SMIM14: variants seen among roughly 807,000 people sequenced by gnomAD.
SMIM14 encodes chromosome 4 open reading frame 34.
A neutral mutation model predicts 12.6 loss-of-function variants in SMIM14; 5 were observed. The ratio of observed to expected loss-of-function variants is 0.40; its 90% CI spans 0.21 to 0.83. The LOEUF (loss-of-function observed/expected upper bound fraction) is 0.83. Ranked by LOEUF, SMIM14 falls within the 40% of genes least tolerant of loss-of-function variation. The pLI, the probability that SMIM14 is intolerant of heterozygous loss-of-function variation, is 0.37. For synonymous variants in SMIM14, 30 were observed against 40.1 expected, an observed-to-expected ratio of 0.75 and a Z score of 0.95; for missense variants, 86 against 119.1, an observed-to-expected ratio of 0.72 and a Z score of 1.29.
At chr4:39,596,153 T>C (rs1362890953) in intron 2 of SMIM14, among the ~76,000 whole-genome samples, 1 of 152,040 alleles carries the variant, frequency 6.6e-6, no homozygotes, top group Non-Finnish European at 1.5e-5. Flanking sequence ...TGGAGTGCAA[T>C]GGCGTGATCT....
chr4:39,573,350 G>A (rs1365739955), intron 2 of SMIM14, among the ~76,000 whole-genome samples: 2 of 151,750 alleles, frequency 1.3e-5, no homozygotes, highest in African/African-American at 4.8e-5. Flanking sequence ...CACTTGCCTC[G>A]GCCTCCCAAA....
intron 3 of SMIM14, among the ~76,000 whole-genome samples, chr4:39,570,596 A>G (rs1712832402): frequency 6.6e-6 from 1 of 152,218 alleles, no homozygotes; most frequent in African/African-American, 2.4e-5. Flanking sequence ...TCAGCAACCT[A>G]AGGTTCTAGT....
intron 1 of SMIM14, among the ~76,000 whole-genome samples, chr4:39,624,382 G>A (rs1339063892): frequency 1.3e-5 from 2 of 152,128 alleles, no homozygotes; most frequent in Non-Finnish European, 2.9e-5. Flanking sequence ...GTATATGACA[G>A]ATCTTATACA....
In SMIM14 at chr4:39,631,670, A is replaced by T. The variant is rs4974943; in HGVS notation, c.-36+7069T>A. 6.7e-3 allele frequency among the ~76,000 whole-genome samples: 1,011 copies of T among 151,134 alleles called. 7 individuals are homozygous for T. Among genetic ancestry groups the T allele is most frequent in the South Asian group, 0.018 (86 of 4,804 alleles). On this transcript the variant is annotated intron_variant, in intron 1 of 4. Transcript: ENST00000295958. ...CGAGACTCCGTCTCAAAAAAAAAAAAAAATAAATATGTTAAAAGATAAAAG... is the reference window on the plus strand; with the variant it reads ...CGAGACTCCGTCTCAAAAAAAAAAATAAATAAATATGTTAAAAGATAAAAG...
At chr4:39,574,816 G>T (rs1713081052) in intron 2 of SMIM14, among the ~76,000 whole-genome samples, 1 of 152,142 alleles carries the variant, frequency 6.6e-6, no homozygotes, top group African/African-American at 2.4e-5. Flanking sequence ...GATCAGGCTT[G>T]CTTTGGTGTA....
At chr4:39,615,474 C>A (rs1410555954) in intron 1 of SMIM14, among the ~76,000 whole-genome samples, 1 of 152,012 alleles carries the variant, frequency 6.6e-6, no homozygotes, top group Non-Finnish European at 1.5e-5. Flanking sequence ...TTTGTCAAAC[C>A]CCATAGGATG....
Position 39,605,198 on chromosome 4 carries a change from A to T in SMIM14, c.-35-18T>A. On this transcript the variant is annotated intron_variant, in intron 1 of 4. Coordinates refer to ENST00000295958, the MANE Select transcript of SMIM14 (RefSeq NM_174921.3). Reference sequence around the variant, plus strand: ...GTTTAAATCTAGGAGGAAGGAAAAAATACTGTTAAGTCTACAATTCAGAAT... The same window carrying T: ...GTTTAAATCTAGGAGGAAGGAAAAATTACTGTTAAGTCTACAATTCAGAAT... The T allele has an allele frequency of 7.0e-7, 1 of 1,423,092 alleles. No homozygotes were observed. Among genetic ancestry groups the T allele is most frequent in the South Asian group, 1.2e-5 (1 of 81,050 alleles). 88.2% of individuals were successfully genotyped at this position (1,423,092 alleles called of 1,614,324 possible).
intron 2 of SMIM14, among the ~76,000 whole-genome samples, chr4:39,598,058 C>T (rs1311586990): frequency 2.0e-5 from 3 of 152,166 alleles, no homozygotes; most frequent in Non-Finnish European, 4.4e-5. Context: ...TGGTTTCCCT[C>T]TTGGTCCTTA....
At chr4:39,594,667 T>TTA (rs1560297519) in intron 2 of SMIM14, 2 of 147,640 alleles carry the variant, frequency 1.4e-5, no homozygotes, top group Non-Finnish European at 3.0e-5. Flanking sequence ...GACAAAGGGC[T>TTA]AATATCCAGA....
chr4:39,631,658 CAA>C (rs757683389), intron 1 of SMIM14, among the ~76,000 whole-genome samples: 11 of 76,386 alleles, frequency 1.4e-4, no homozygotes, highest in Non-Finnish European at 2.6e-4. Context: ...GACTCCGTCT[CAA>C]AAAAAAAAAA....
At chr4:39,576,686 T>TA (rs1560289819) in intron 2 of SMIM14, among the ~76,000 whole-genome samples, 112 of 4,636 alleles carry the variant, frequency 0.024, no homozygotes, top group Middle Eastern at 0.17. Flanking sequence ...ATATATATAT[T>TA]TTTTTTTTTT....
At chr4:39,560,547 A>C (rs976750081) in intron 3 of SMIM14, among the ~76,000 whole-genome samples, 6 of 151,010 alleles carry the variant, frequency 4.0e-5, no homozygotes, top group African/African-American at 1.5e-4. Context: ...GAAATCCAGG[A>C]AGCACGAGGT....
chr4:39,631,287 G>A (rs1259198937), intron 1 of SMIM14, among the ~76,000 whole-genome samples: 4 of 150,644 alleles, frequency 2.7e-5, no homozygotes, highest in African/African-American at 9.8e-5. Flanking sequence ...AGCTGAGATC[G>A]TGCCACTGCA....
Position 39,551,850 on chromosome 4 carries a change from T to C in SMIM14, c.*276A>G, listed in dbSNP as rs1158829026. ...TAATCACAGTTACAAACAGAATGAG[T>C]GGAATGTTTGTAAGTTTAGGACAAC... On this transcript the variant is annotated 3_prime_UTR_variant, in exon 5 of 5. Transcript: ENST00000295958. 3.6e-6 allele frequency: 1 copy of C among 276,754 alleles called. No homozygotes were observed. Among genetic ancestry groups the C allele is most frequent in the Admixed American group, 5.2e-5 (1 of 19,348 alleles). The allele number at this position is 276,754 out of a possible 1,614,324, so 17.1% of individuals were successfully genotyped here.
chr4:39,553,117 G>A (rs1711807763), intron 4 of SMIM14, among the ~76,000 whole-genome samples: 1 of 151,102 alleles, frequency 6.6e-6, no homozygotes, highest in Admixed American at 6.6e-5. Flanking sequence ...CTGGAGTACA[G>A]TGGTGAGATC....
intron 2 of SMIM14, among the ~76,000 whole-genome samples, chr4:39,576,620 T>A (rs1167988363): frequency 1.5e-5 from 2 of 136,050 alleles, no homozygotes; most frequent in African/African-American, 2.6e-5. Context: ...CTCTAAGACC[T>A]ACCAATGTAT....
At chr4:39,580,006 T>C (rs1394853874) in intron 2 of SMIM14, among the ~76,000 whole-genome samples, 1 of 151,988 alleles carries the variant, frequency 6.6e-6, no homozygotes, top group Non-Finnish European at 1.5e-5. Context: ...AAAAAATCTC[T>C]CTCTAGAGTT....
chr4:39,571,452 T>C (rs1209189095), intron 3 of SMIM14, among the ~76,000 whole-genome samples: 1 of 151,948 alleles, frequency 6.6e-6, no homozygotes, highest in African/African-American at 2.4e-5. Context: ...TGGTGGTGCA[T>C]CCCTGTAGTC....
intron 2 of SMIM14, among the ~76,000 whole-genome samples, chr4:39,603,356 A>G (rs766511577): frequency 2.6e-5 from 4 of 151,842 alleles, no homozygotes; most frequent in Non-Finnish European, 4.4e-5. Context: ...CAGGAGATTG[A>G]GACCATCCTG....
Sources: gnomAD v4.1 joint callset for allele counts (sites outside exome capture counted in the v4.1 genomes callset) on GRCh38, gnomAD v4.1.1 for gene constraint, MANE v1.5 for transcripts, NCBI Gene and HGNC (gene_info 2026-07-23, HGNC 2026-07-21) for gene names.